Variants in MYO10 observed in about 807,000 individuals in gnomAD.
MYO10 encodes the protein myosin X.
MYO10 carries 133 observed loss-of-function variants against 257.3 expected under a neutral mutation model. The observed-to-expected ratio is 0.52, with a 90% confidence interval of 0.45 to 0.60. The LOEUF is 0.60. Ranked by LOEUF, MYO10 falls within the 20% of genes least tolerant of loss-of-function variation. The pLI, the probability that MYO10 is intolerant of heterozygous loss-of-function variation, is 0.00. For missense variants in MYO10, 2,399 were observed against 2,635.7 expected (o/e 0.91, Z 1.97); for synonymous variants, 1,104 against 1,028.6 (o/e 1.07, Z -1.40).
intron 2 of MYO10, among the ~76,000 whole-genome samples, chr5:16,860,360 C>G (rs1386994421): frequency 1.3e-5 from 2 of 152,100 alleles, no homozygotes; most frequent in East Asian, 3.9e-4. Context: ...GAAAGACTTT[C>G]CAATTGATCT....
intron 2 of MYO10, among the ~76,000 whole-genome samples, chr5:16,868,100 T>C: frequency 6.6e-6 from 1 of 152,226 alleles, no homozygotes; most frequent in Non-Finnish European, 1.5e-5. Flanking sequence ...AATTAGACTC[T>C]TTCCAGAAAA....
rs769193278 is a variant in MYO10 at position 16,681,386 on chromosome 5, G to A, written c.4307C>T (p.Ala1436Val). 2.4e-5 allele frequency: 39 copies of A among 1,613,850 alleles called. No individual in the cohort carries two copies. Among genetic ancestry groups the A allele is most frequent in the Admixed American group, 1.0e-4 (6 of 59,990 alleles). ...GAGGACCAGGGTCCCCAGTTTGAGC[G>A]CGTTCTTCTCTGAACTCTTGTAGTA... is the stretch of plus-strand genomic sequence containing the variant. ...LDYYKSSEKN[A>V]LKLGTLVLNS... Residue 1436 changes from alanine (A) to valine (V), a missense_variant, in exon 32 of 41, where the codon GCG becomes GTG. Coordinates refer to ENST00000513610, the MANE Select transcript of MYO10 (RefSeq NM_012334.3).
intron 19 of MYO10, among the ~76,000 whole-genome samples, chr5:16,738,999 T>C (rs760460490): frequency 6.6e-6 from 1 of 150,826 alleles, no homozygotes; most frequent in Non-Finnish European, 1.5e-5. Flanking sequence ...TTTCTTCAAA[T>C]AGTCACAGAA....
intron 2 of MYO10, among the ~76,000 whole-genome samples, chr5:16,864,241 C>T (rs761029503): frequency 6.6e-5 from 10 of 151,350 alleles, no homozygotes; most frequent in South Asian, 2.1e-4. Context: ...ATGAAGCATG[C>T]GCCATTCTGA....
At position 16,754,912 on chromosome 5, in the gene MYO10, TTAGA is replaced by T; in HGVS notation, c.1849-8_1849-5del. On this transcript the variant is annotated splice_polypyrimidine_tract_variant and splice_region_variant and intron_variant, in intron 18 of 40. Transcript: ENST00000513610. The stretch of plus-strand genomic sequence containing the variant: ...CCATTAAGGAATGCAGTGAGTCCTA[TTAGA>T]AAAAGTATATGTTGATTTAGTCTCT... 5 of 1,563,892 alleles carry T rather than the reference TTAGA, an allele frequency of 3.2e-6. No individual in the cohort carries two copies. Among genetic ancestry groups the T allele is most frequent in the Non-Finnish European group, 4.4e-6 (5 of 1,146,374 alleles).
chr5:16,719,989 C>T (rs148019121), intron 19 of MYO10, among the ~76,000 whole-genome samples: 47 of 143,558 alleles, frequency 3.3e-4, no homozygotes, highest in Admixed American at 1.4e-3. Flanking sequence ...TGTGTGCGTG[C>T]GTGTGTGTGT....
chr5:16,873,721 C>T (rs1744511170), intron 2 of MYO10, among the ~76,000 whole-genome samples: 1 of 152,220 alleles, frequency 6.6e-6, no homozygotes, highest in Non-Finnish European at 1.5e-5. Context: ...CTCAACAACA[C>T]GTGGAAGCTG....
Position 16,780,606 on chromosome 5 carries a change from G to A in MYO10, c.744C>T (p.Asn248=). ...GRIVDYLLEK[N]RVVRQNPGER... is the part of the protein sequence containing the mutation. ...CCCCGGGATTTTGCCTTACTACTCG[G>A]TTCTGGGAAGATAAATCAGATTTAT... The change falls in exon 8 of 41, where the codon AAC becomes AAT. Residue 248 remains asparagine (N), a splice_region_variant and synonymous_variant. Transcript: ENST00000513610. 6.4e-7 allele frequency: 1 copy of A among 1,572,852 alleles called. No individual in the cohort carries two copies. The highest frequency in any genetic ancestry group is 8.6e-7 in the Non-Finnish European group (1 of 1,156,570).
chr5:16,716,981 G>C (rs780948778), intron 19 of MYO10, among the ~76,000 whole-genome samples: 1 of 152,064 alleles, frequency 6.6e-6, no homozygotes, highest in South Asian at 2.1e-4. Flanking sequence ...GGGATTACAG[G>C]CATGTGTCAC....
At chr5:16,797,572 C>T (rs1310144233) in intron 3 of MYO10, among the ~76,000 whole-genome samples, 1 of 152,212 alleles carries the variant, frequency 6.6e-6, no homozygotes, top group Non-Finnish European at 1.5e-5. Context: ...GGAAACAATG[C>T]CAAGGGCCCA....
At chr5:16,827,525 G>T (rs1743036144) in intron 2 of MYO10, among the ~76,000 whole-genome samples, 1 of 152,134 alleles carries the variant, frequency 6.6e-6, no homozygotes, top group Admixed American at 6.6e-5. Context: ...GTACTCAAGT[G>T]ATCCGCCCAC....
At chr5:16,824,591 G>C (rs562371252) in intron 2 of MYO10, among the ~76,000 whole-genome samples, 1 of 152,086 alleles carries the variant, frequency 6.6e-6, no homozygotes, top group Non-Finnish European at 1.5e-5. Context: ...TCTTTCAGCC[G>C]GGCGCGGTGG....
At chr5:16,905,226 G>A (rs904029855) in intron 1 of MYO10, among the ~76,000 whole-genome samples, 4 of 152,146 alleles carry the variant, frequency 2.6e-5, no homozygotes, top group Non-Finnish European at 5.9e-5. Context: ...CTGAAGGAAA[G>A]CACCTCCAAG....
At chr5:16,828,097 C>T (rs909983275) in intron 2 of MYO10, among the ~76,000 whole-genome samples, 2 of 152,044 alleles carry the variant, frequency 1.3e-5, no homozygotes, top group Non-Finnish European at 2.9e-5. Flanking sequence ...AATTGATGTT[C>T]GAATGTATAC....
rs201265648 is a variant in MYO10 at position 16,771,547 on chromosome 5, T to TTTATTATTA, written c.931-2353_931-2345dup. 1.1e-3 allele frequency among the ~76,000 whole-genome samples: 149 copies of TTTATTATTA among 136,894 alleles called. 1 individual carries two copies. The highest frequency in any genetic ancestry group is 2.8e-3 in the East Asian group (13 of 4,664). The allele number at this position is 136,894 out of a possible 152,430, so 89.8% of individuals were successfully genotyped here. ...CAAATCTAGGAACTTACTATTATGA[T>TTTATTATTA]TTATTATTATTATTATTATTATTAT... On this transcript the variant is annotated intron_variant, in intron 9 of 40. Coordinates refer to ENST00000513610, the MANE Select transcript of MYO10 (RefSeq NM_012334.3).
rs762182905 is a variant in MYO10 at position 16,673,810 on chromosome 5, G to A, written c.5044C>T (p.Arg1682Ter). ...TCATCTCGGGAAGGCACAAACTCTC[G>A]GCATTTGGTTTTCTTAAGAGATTCG... ...TYESLKKTKC[R>*]EFVPSRDEIE... The change falls in exon 36 of 41, where the codon CGA (arginine) becomes TGA (stop). Residue 1682 changes from arginine to a stop codon, truncating the protein, a stop_gained. Transcript: ENST00000513610. LOFTEE classifies it high-confidence loss of function. 4 of 1,613,808 alleles carry A rather than the reference G, an allele frequency of 2.5e-6. No individual in the cohort carries two copies. Among genetic ancestry groups the A allele is most frequent in the Admixed American group, 1.7e-5 (1 of 59,996 alleles).
At chr5:16,830,372 C>T (rs937996318) in intron 2 of MYO10, among the ~76,000 whole-genome samples, 13 of 152,066 alleles carry the variant, frequency 8.5e-5, no homozygotes, top group African/African-American at 3.1e-4. Flanking sequence ...AGAAAACTTT[C>T]TGTATAATTT....
Position 16,813,019 on chromosome 5 carries a change from T to C in MYO10, c.279+4990A>G, listed in dbSNP as rs182818335. ...ATATTTTCCTGGTTTCTGACAAAGT[T>C]CTCAGATAAAAAGACCAGTCCCCAA... On this transcript the variant is annotated intron_variant, in intron 3 of 40. Transcript: ENST00000513610. Among the ~76,000 whole-genome samples the C allele has an allele frequency of 1.9e-3, 285 of 152,164 alleles. 2 individuals carry two copies. The highest frequency in any genetic ancestry group is 6.4e-3 in the African/African-American group (266 of 41,516).
intron 12 of MYO10, 81 bp from the exon 13 acceptor site, chr5:16,763,836 T>A: frequency 2.2e-6 from 2 of 900,354 alleles, no homozygotes; most frequent in Non-Finnish European, 1.7e-6. Flanking sequence ...AAAGAAAAGA[T>A]CTGCAGAGAA....
Sources: allele counts gnomAD v4.1 joint callset (sites outside exome capture counted in the v4.1 genomes callset), GRCh38; gene constraint gnomAD v4.1.1; transcripts MANE v1.5; gene names NCBI Gene and HGNC (gene_info 2026-07-23, HGNC 2026-07-21).